C11orf65: variants seen among roughly 807,000 people sequenced by gnomAD.
C11orf65 encodes protein MFI.
C11orf65 carries 38 observed loss-of-function variants against 35.3 expected under a neutral mutation model. That is an observed-to-expected ratio of 1.08 (90% CI 0.83 to 1.41). C11orf65 has a LOEUF of 1.41. Ranked by LOEUF, C11orf65 falls within the 40% of genes most tolerant of loss-of-function variation. The pLI, the probability that C11orf65 is intolerant of heterozygous loss-of-function variation, is 0.00. For missense variants in C11orf65, 370 were observed against 367.1 expected (o/e 1.01, Z -0.06); for synonymous variants, 105 against 114.4 (o/e 0.92, Z 0.53).
intron 2 of C11orf65, among the ~76,000 whole-genome samples, chr11:108,357,522 C>T (rs1283869619): frequency 6.6e-5 from 10 of 152,212 alleles, no homozygotes; most frequent in Non-Finnish European, 1.5e-4. Context: ...ACAGCAGTAA[C>T]CTCTGCAGAC....
intron 2 of C11orf65, among the ~76,000 whole-genome samples, chr11:108,357,420 G>T (rs1223209828): frequency 6.6e-6 from 1 of 152,232 alleles, no homozygotes; most frequent in Non-Finnish European, 1.5e-5. Context: ...CAGCCGGGAA[G>T]CTCGAACTGG....
chr11:108,372,830 A>G (rs572261655), intron 2 of C11orf65, among the ~76,000 whole-genome samples: 6 of 152,174 alleles, frequency 3.9e-5, no homozygotes, highest in East Asian at 3.8e-4. Context: ...TAATCCCAGC[A>G]CTTTGGGAGG....
At chr11:108,441,278 C>T (rs764334302) in intron 2 of C11orf65, among the ~76,000 whole-genome samples, 6 of 152,206 alleles carry the variant, frequency 3.9e-5, no homozygotes, top group Admixed American at 2.0e-4. Flanking sequence ...GGAGGAGAGG[C>T]GTCTGCCATT....
At chr11:108,317,613 TTTTATATATATATATA>T (rs2084811841) in intron 6 of C11orf65, 3 of 270,376 alleles carry the variant, frequency 1.1e-5, no homozygotes, top group African/African-American at 7.0e-5. Context: ...ACAGGAGTTG[TTTTATATATATATATA>T]TATATATATA....
chr11:108,331,403 A>G (rs761144083), downstream of C11orf65: 1 of 1,599,288 alleles, frequency 6.3e-7, no homozygotes, highest in Non-Finnish European at 8.5e-7. Context: ...AATATTTGAA[A>G]TACCTTGTTT....
intron 2 of C11orf65, chr11:108,347,293 G>A (rs2137079086): frequency 1.2e-6 from 2 of 1,609,992 alleles, no homozygotes; most frequent in Non-Finnish European, 1.7e-6. Flanking sequence ...TTACATACTT[G>A]GACTTGGTGA....
exon 7 of C11orf65, chr11:108,308,991 T>C: frequency 6.6e-7 from 1 of 1,525,812 alleles, no homozygotes; most frequent in Non-Finnish European, 8.8e-7. Flanking sequence ...GGTAGAATGG[T>C]GTTGACATTA....
intron 3 of C11orf65, among the ~76,000 whole-genome samples, chr11:108,430,716 G>T (rs898819994): frequency 1.3e-5 from 2 of 151,866 alleles, no homozygotes; most frequent in African/African-American, 4.8e-5. Context: ...GCGGTGGCAT[G>T]CGCCTATAGT....
chr11:108,329,284 T>C (rs755319376), downstream of C11orf65: 1 of 1,507,514 alleles, frequency 6.6e-7, no homozygotes, highest in African/African-American at 1.4e-5. Flanking sequence ...ACCAGTTAAC[T>C]GAGTGAGTGT....
In C11orf65 at chr11:108,346,052, T is replaced by C. The variant is rs572495310; in HGVS notation, c.227-10760A>G. 7 of 870,892 alleles carry C rather than the reference T, an allele frequency of 8.0e-6. No homozygotes were observed. The East Asian group carries it at 1.8e-4, about 22-fold the overall frequency. The allele number at this position is 870,892 out of a possible 1,614,324, so 53.9% of individuals were successfully genotyped here. A position where few individuals can be genotyped will look rare whatever the true frequency, so the allele number is the denominator to read the frequency against. ...TTAGTAACCAACCCATCTTCATTAT[T>C]AAATCATATGTTTCTTGTTCATCCT... On this transcript the variant is annotated intron_variant, in intron 2 of 3. Coordinates refer to the C11orf65 transcript ENST00000524755.
intron 2 of C11orf65, among the ~76,000 whole-genome samples, chr11:108,343,551 T>G (rs1162729403): frequency 2.6e-5 from 4 of 152,206 alleles, no homozygotes; most frequent in Non-Finnish European, 5.9e-5. Context: ...GGAAGGATTT[T>G]AAACTACATA....
chr11:108,436,706 A>T (rs11212633), intron 2 of C11orf65, among the ~76,000 whole-genome samples: 17,140 of 152,176 alleles, frequency 0.11, 1,319 homozygotes, highest in Non-Finnish European at 0.15. Context: ...CAAAGACGCA[A>T]TTTAAAAGCA....
chr11:108,340,199 A>C (rs985516342), intron 2 of C11orf65: 5 of 152,302 alleles, frequency 3.3e-5, no homozygotes, highest in Admixed American at 2.6e-4. Flanking sequence ...AAACATACAA[A>C]AGGAGACAAT....
intron 7 of C11orf65, among the ~76,000 whole-genome samples, chr11:108,392,058 G>T (rs181936707): frequency 1.3e-5 from 2 of 150,348 alleles, no homozygotes; most frequent in Admixed American, 6.6e-5. Flanking sequence ...TTGGCTTTTT[G>T]TGTGTGTGTG....
chr11:108,441,122 T>G (rs1432493020), intron 2 of C11orf65, among the ~76,000 whole-genome samples: 1 of 152,202 alleles, frequency 6.6e-6, no homozygotes, highest in Non-Finnish European at 1.5e-5. Flanking sequence ...ACTCCCACCC[T>G]AATACTGTGC....
intron 2 of C11orf65, among the ~76,000 whole-genome samples, chr11:108,437,700 T>C (rs2093082921): frequency 1.4e-5 from 1 of 73,564 alleles, no homozygotes; most frequent in African/African-American, 5.4e-5. Flanking sequence ...CAGGTGAGAC[T>C]CAGTCTTAAA....
rs550218412 is a variant in C11orf65 at position 108,374,354 on chromosome 11, C to T, written c.226+18854G>A. Among the ~76,000 whole-genome samples, 262 of 145,926 alleles carry T rather than the reference C, an allele frequency of 1.8e-3. 1 individual carries two copies. The highest frequency in any genetic ancestry group is 6.1e-3 in the African/African-American group (252 of 41,270). The stretch of plus-strand genomic sequence containing the variant: ...TGAAAATCCGTGGTTCTGCAGACAC[C>T]GCTGCTGATACCCAGGTAAACAGGG... On this transcript the variant is annotated intron_variant, in intron 2 of 3. Transcript: ENST00000524755.
chr11:108,414,798 T>C (rs539558667), intron 3 of C11orf65, among the ~76,000 whole-genome samples: 2 of 152,076 alleles, frequency 1.3e-5, no homozygotes, highest in Non-Finnish European at 2.9e-5. Flanking sequence ...CTCATGAGCA[T>C]AGACTTAAAA....
At chr11:108,404,078 T>C (rs2092492388) in intron 6 of C11orf65, among the ~76,000 whole-genome samples, 1 of 152,138 alleles carries the variant, frequency 6.6e-6, no homozygotes, top group Non-Finnish European at 1.5e-5. Flanking sequence ...TCTAACCATG[T>C]TCTTTCCAAA....
Sources: gnomAD v4.1 joint callset for allele counts (sites outside exome capture counted in the v4.1 genomes callset) on GRCh38, gnomAD v4.1.1 for gene constraint, MANE v1.5 for transcripts, NCBI Gene and HGNC (gene_info 2026-07-23, HGNC 2026-07-21) for gene names.